The following NDUFAF7 variants were observed in gnomAD, a reference collection of about 807,000 sequenced individuals.
NDUFAF7 encodes protein arginine methyltransferase NDUFAF7, mitochondrial.
Under a neutral mutation model 47.2 loss-of-function variants are expected in NDUFAF7, and 48 were observed. The ratio of observed to expected loss-of-function variants is 1.02; its 90% confidence interval spans 0.81 to 1.29. The LOEUF (loss-of-function observed/expected upper bound fraction) is 1.29. Ranked by LOEUF, NDUFAF7 falls within the 50% of genes most tolerant of loss-of-function variation. The probability of loss-of-function intolerance (pLI) is 0.00; values close to 1 mark genes in which losing one functional copy is unlikely to be tolerated. For synonymous variants in NDUFAF7, 217 were observed against 190.0 expected, an observed-to-expected ratio of 1.14 and a Z score of -1.17; for missense variants, 635 against 537.6, an observed-to-expected ratio of 1.18 and a Z score of -1.79.
Position 37,231,696 on chromosome 2 carries a change from G to A in NDUFAF7, c.-10G>A. 6.2e-7 allele frequency: 1 copy of A among 1,614,228 alleles called. No individual in the cohort carries two copies. Among genetic ancestry groups the A allele is most frequent in the Non-Finnish European group, 8.5e-7 (1 of 1,180,036 alleles). ...CTCCTGGCGGAGCGAGCTAGCCTGCGAATTTCAGCATGAGTGTACTGCTGA... is the reference window on the plus strand; with the variant it reads ...CTCCTGGCGGAGCGAGCTAGCCTGCAAATTTCAGCATGAGTGTACTGCTGA... On this transcript the variant is annotated 5_prime_UTR_variant, in exon 1 of 10. Transcript: ENST00000002125.
the NDUFAF7 span, among the ~76,000 whole-genome samples, chr2:37,259,188 T>A: frequency 6.6e-6 from 1 of 152,196 alleles, no homozygotes; most frequent in Admixed American, 6.5e-5. Context: ...AATACAATAC[T>A]CTACATAGAA....
chr2:37,260,159 T>G, the NDUFAF7 span: 35 of 1,419,404 alleles, frequency 2.5e-5, no homozygotes, highest in South Asian at 4.5e-4. Context: ...GTAAGACTCT[T>G]GTCTTAAAAA....
At chr2:37,261,820 G>C in the NDUFAF7 span, among the ~76,000 whole-genome samples, 2 of 152,118 alleles carry the variant, frequency 1.3e-5, no homozygotes. Context: ...CTTAACAATG[G>C]TTCAACTTAC....
In NDUFAF7 at chr2:37,236,146, T is replaced by G; in HGVS notation, c.267T>G (p.Thr89=). Residue 89 remains threonine, a synonymous_variant, in exon 3 of 10, where the codon ACT becomes ACG. Coordinates refer to ENST00000002125, the MANE Select transcript of NDUFAF7 (RefSeq NM_144736.5). ...DMLGEKGDFI[T]SPEISQIFGE... ...TAGGCGAAAAAGGAGATTTCATTAC[T>G]TCACCTGAAATAAGTCAAATCTTTG... 1 of 1,613,092 alleles carries G rather than the reference T, an allele frequency of 6.2e-7. No individual in the cohort carries two copies. The highest frequency in any genetic ancestry group is 8.5e-7 in the Non-Finnish European group (1 of 1,179,126).
the NDUFAF7 span, chr2:37,267,662 T>G: frequency 1.4e-6 from 1 of 715,858 alleles, no homozygotes; most frequent in South Asian, 1.7e-5. Flanking sequence ...TTGTTCTTTC[T>G]CCACACTCCT....
the NDUFAF7 span, chr2:37,259,550 G>C: frequency 6.6e-6 from 10 of 1,524,774 alleles, no homozygotes; most frequent in Non-Finnish European, 9.0e-6. Flanking sequence ...AATGTTGCCA[G>C]AATCATTTAA....
At chr2:37,254,727 G>C (rs149062891), downstream of NDUFAF7, among the ~76,000 whole-genome samples, 782 of 152,232 alleles carry the variant, frequency 5.1e-3, 8 homozygotes, top group African/African-American at 0.017. Flanking sequence ...CAGACTCTCT[G>C]ATCCTCCCCA....
At chr2:37,266,170 C>G in the NDUFAF7 span, among the ~76,000 whole-genome samples, 17 of 152,104 alleles carry the variant, frequency 1.1e-4, no homozygotes, top group Non-Finnish European at 2.4e-4. Flanking sequence ...TATCATGCCT[C>G]TGAAAAAGTG....
chr2:37,267,474 T>C, the NDUFAF7 span: 2 of 1,611,162 alleles, frequency 1.2e-6, no homozygotes, highest in Non-Finnish European at 1.7e-6. Flanking sequence ...TCTTGTTTTG[T>C]GGGGAATCTC....
chr2:37,255,531 A>G (rs1667861963), downstream of NDUFAF7, among the ~76,000 whole-genome samples: 1 of 152,182 alleles, frequency 6.6e-6, no homozygotes, highest in Non-Finnish European at 1.5e-5. Context: ...TAGGCAGGAA[A>G]AAGAGATGTA....
intron 4 of NDUFAF7, among the ~76,000 whole-genome samples, chr2:37,238,186 C>CT (rs1665989326): frequency 6.6e-6 from 1 of 152,210 alleles, no homozygotes; most frequent in East Asian, 1.9e-4. Context: ...AATCCTAGCA[C>CT]TTTGAGAGGC....
At position 37,237,771 on chromosome 2, in the gene NDUFAF7, G is replaced by A. The variant is rs1221752538; in HGVS notation, c.312G>A (p.Trp104Ter). The change falls in exon 4 of 10, where the codon TGG (tryptophan) becomes TGA (stop). Residue 104 changes from tryptophan to a stop codon, truncating the protein, a stop_gained. Coordinates refer to ENST00000002125, the MANE Select transcript of NDUFAF7 (RefSeq NM_144736.5). LOFTEE classifies it high-confidence loss of function. ...SQIFGELLGIWFISEWMATGK... is the reference protein window; with the variant it reads ...SQIFGELLGI ...CCTTTTCACAGCTACTAGGTATATGGTTCATTAGTGAATGGATGGCCACTG... is the reference window on the plus strand; with the variant it reads ...CCTTTTCACAGCTACTAGGTATATGATTCATTAGTGAATGGATGGCCACTG... The A allele has an allele frequency of 6.2e-7, 1 of 1,610,626 alleles. No homozygotes were observed. Among genetic ancestry groups the A allele is most frequent in the Non-Finnish European group, 8.5e-7 (1 of 1,177,026 alleles).
chr2:37,243,687 G>C (rs1480045846), intron 6 of NDUFAF7, among the ~76,000 whole-genome samples, 176 bp from the exon 7 acceptor site: 1 of 152,008 alleles, frequency 6.6e-6, no homozygotes, highest in Non-Finnish European at 1.5e-5. Flanking sequence ...CTTTTGCATC[G>C]ATTGGTCTAC....
downstream of NDUFAF7, among the ~76,000 whole-genome samples, chr2:37,250,222 T>C (rs1360754074): frequency 6.6e-6 from 1 of 152,152 alleles, no homozygotes; most frequent in East Asian, 1.9e-4. Flanking sequence ...GTTCTCATTC[T>C]AGATTCCTGT....
chr2:37,246,251 C>T, intron 8 of NDUFAF7, 56 bp downstream of exon 8: 1 of 1,587,206 alleles, frequency 6.3e-7, no homozygotes, highest in South Asian at 1.1e-5. Flanking sequence ...ATCTGAAGCC[C>T]ATTGAAGAGC....
chr2:37,267,164 C>T, the NDUFAF7 span, among the ~76,000 whole-genome samples: 1 of 152,082 alleles, frequency 6.6e-6, no homozygotes, highest in Non-Finnish European at 1.5e-5. Flanking sequence ...AAACAGCAAC[C>T]TTCTGACAAA....
At chr2:37,253,483 CTACTATG>C, downstream of NDUFAF7, 1 of 625,988 alleles carries the variant, frequency 1.6e-6, no homozygotes, top group South Asian at 2.8e-5. Context: ...TCATAAGTAT[CTACTATG>C]TACTAAGTTC....
At chr2:37,247,314 T>C (rs1393722049) in intron 8 of NDUFAF7, 142 bp from the exon 9 acceptor site, 1 of 974,956 alleles carries the variant, frequency 1.0e-6, no homozygotes, top group Non-Finnish European at 1.6e-6. Flanking sequence ...ACTGCCTAGG[T>C]GTTCCCTGCC....
the NDUFAF7 span, chr2:37,267,544 G>C: frequency 1.3e-6 from 2 of 1,578,470 alleles, no homozygotes; most frequent in Non-Finnish European, 1.7e-6. Context: ...TTCCTATTAA[G>C]AAAAAAAGAA....
Sources: allele counts gnomAD v4.1 joint callset (sites outside exome capture counted in the v4.1 genomes callset), GRCh38; gene constraint gnomAD v4.1.1; transcripts MANE v1.5; gene names NCBI Gene and HGNC (gene_info 2026-07-23, HGNC 2026-07-21).